The following PROSER1 variants were observed in gnomAD, a reference collection of about 807,000 sequenced individuals.
The protein encoded by PROSER1 is proline and serine rich 1.
In PROSER1, 36 loss-of-function variants were observed where a neutral mutation model predicts 71.8. The observed-to-expected ratio is 0.50, with a 90% confidence interval of 0.38 to 0.66. The LOEUF is 0.66. PROSER1 is among the 30% of genes least tolerant of loss of function. The pLI, the probability that PROSER1 is intolerant of heterozygous loss-of-function variation, is 0.00. For missense variants in PROSER1, 1,107 were observed against 1,135.0 expected (o/e 0.98, Z 0.35); for synonymous variants, 490 against 452.4 (o/e 1.08, Z -1.06).
chr13:39,017,227 G>T (rs1870047096), intron 10 of PROSER1, among the ~76,000 whole-genome samples: 1 of 152,188 alleles, frequency 6.6e-6, no homozygotes, highest in Non-Finnish European at 1.5e-5. Flanking sequence ...GAATGTGAAT[G>T]CAAAGCTACG....
chr13:39,014,993 G>C (rs1028880620), intron 10 of PROSER1, among the ~76,000 whole-genome samples: 6 of 152,080 alleles, frequency 3.9e-5, no homozygotes, highest in African/African-American at 1.4e-4. Context: ...CATCTGTACA[G>C]TTGCCCCGCC....
At position 39,031,450 on chromosome 13, in the gene PROSER1, A is replaced by T. The variant is rs1870837927; in HGVS notation, c.180+113T>A. The T allele has an allele frequency of 7.7e-6, 6 of 780,064 alleles. No individual in the cohort carries two copies. The South Asian group carries it at 9.9e-5, about 13-fold the overall frequency. 48.3% of individuals were successfully genotyped at this position (780,064 alleles called of 1,614,324 possible). On this transcript the variant is annotated intron_variant, in intron 3 of 12. Transcript: ENST00000352251. ...ATTTTGAATCAAAGTACAATAACACATAGAGTTCGCTTTTCTAATGCAAAT... is the reference window on the plus strand; with the variant it reads ...ATTTTGAATCAAAGTACAATAACACTTAGAGTTCGCTTTTCTAATGCAAAT...
In PROSER1 at chr13:39,012,810, T is replaced by C; in HGVS notation, c.2442A>G (p.Thr814=). 4 of 1,614,138 alleles carry C rather than the reference T, an allele frequency of 2.5e-6. No individual in the cohort carries two copies. The highest frequency in any genetic ancestry group is 3.4e-6 in the Non-Finnish European group (4 of 1,180,012). Residue 814 remains threonine (T), a synonymous_variant, in exon 11 of 13, where the codon ACA becomes ACG. Coordinates refer to ENST00000352251, the MANE Select transcript of PROSER1 (RefSeq NM_025138.5). The part of the protein sequence containing the change: ...PSFPGLQAPS[T]VAAVTPLPVA... ...CAGGTAGTGGTGTGACAGCTGCGAC[T>C]GTAGAGGGCGCCTGCAGCCCCGGGA...
intron 1 of PROSER1, among the ~76,000 whole-genome samples, chr13:39,035,406 C>T (rs1871050576): frequency 6.6e-6 from 1 of 152,116 alleles, no homozygotes; most frequent in African/African-American, 2.4e-5. Context: ...CCCCAACTTA[C>T]CACCTAGGGA....
At position 39,011,359 on chromosome 13, in the gene PROSER1, A is replaced by C. The variant is rs1032726106; in HGVS notation, c.*6T>G. 6.2e-7 allele frequency: 1 copy of C among 1,613,782 alleles called. No individual in the cohort carries two copies. Among genetic ancestry groups the C allele is most frequent in the Admixed American group, 1.7e-5 (1 of 59,998 alleles). ...TGCTCTGAAGGAGAATAAAAGTTAA[A>C]AGTATTCACTGCCACCCACTCTGGG... On this transcript the variant is annotated 3_prime_UTR_variant, in exon 13 of 13. Coordinates refer to ENST00000352251, the MANE Select transcript of PROSER1 (RefSeq NM_025138.5).
At chr13:39,014,934 G>A (rs1229556114) in intron 10 of PROSER1, among the ~76,000 whole-genome samples, 2 of 152,120 alleles carry the variant, frequency 1.3e-5, no homozygotes, top group African/African-American at 4.8e-5. Flanking sequence ...CAGCTCTCCA[G>A]TATTGTTTGT....
intron 1 of PROSER1, among the ~76,000 whole-genome samples, 167 bp downstream of exon 1, chr13:39,037,031 T>C (rs1027457567): frequency 1.3e-5 from 2 of 152,216 alleles, no homozygotes; most frequent in Non-Finnish European, 2.9e-5. Flanking sequence ...TTTCTATTTG[T>C]ACTGGAAACG....
Position 39,029,264 on chromosome 13 carries a change from A to AG in PROSER1, c.275+16_275+17insC. 2.9e-6 allele frequency: 4 copies of AG among 1,382,520 alleles called. No homozygotes were observed. The highest frequency in any genetic ancestry group is 9.8e-7 in the Non-Finnish European group (1 of 1,019,478). 85.6% of individuals were successfully genotyped at this position (1,382,520 alleles called of 1,614,324 possible). ...TTCCCAAGTAAAAAAAAAAAAAAAA[A>AG]AAAAAGAAATACTTACGAGGCTAAC... is the stretch of plus-strand genomic sequence containing the variant. On this transcript the variant is annotated intron_variant, in intron 4 of 12. Transcript: ENST00000352251.
intron 12 of PROSER1, 78 bp from the exon 13 acceptor site, chr13:39,011,565 C>T: frequency 3.6e-6 from 5 of 1,385,844 alleles, no homozygotes; most frequent in Non-Finnish European, 5.0e-6. Flanking sequence ...CCATGCCACA[C>T]AGAGATATTC....
chr13:39,012,205 T>G lies in PROSER1; in HGVS notation c.2590A>C (p.Ser864Arg), dbSNP rs146381943. Residue 864 changes from serine to arginine, a missense_variant, in exon 12 of 13, where the codon AGT becomes CGT. Coordinates refer to ENST00000352251, the MANE Select transcript of PROSER1 (RefSeq NM_025138.5). ...GLSSGLQAAG[S>R]SVFPGLLSLP... ...GACAAAAGGCCTGGAAAAACAGAACTGCCTGCAGCTTGAAGTCCAGATGAT... is the reference window on the plus strand; with the variant it reads ...GACAAAAGGCCTGGAAAAACAGAACGGCCTGCAGCTTGAAGTCCAGATGAT... 1 of 1,614,108 alleles carries G rather than the reference T, an allele frequency of 6.2e-7. No homozygotes were observed. The highest frequency in any genetic ancestry group is 8.5e-7 in the Non-Finnish European group (1 of 1,180,000).
chr13:39,012,409 T>C, intron 11 of PROSER1, 176 bp from the exon 12 acceptor site: 1 of 710,694 alleles, frequency 1.4e-6, no homozygotes, highest in Non-Finnish European at 2.4e-6. Flanking sequence ...CTTTCTACTG[T>C]GAAGTATATT....
intron 10 of PROSER1, among the ~76,000 whole-genome samples, chr13:39,015,479 A>G (rs1869964873): frequency 6.6e-6 from 1 of 152,150 alleles, no homozygotes; most frequent in Non-Finnish European, 1.5e-5. Flanking sequence ...ACTGAGAAAT[A>G]TTTTCATGGA....
chr13:39,013,522 G>A lies in PROSER1; in HGVS notation c.1730C>T (p.Ser577Phe), dbSNP rs749378496. 15 of 1,613,996 alleles carry A rather than the reference G, an allele frequency of 9.3e-6. No homozygotes were observed. Among genetic ancestry groups the A allele is most frequent in the Non-Finnish European group, 1.3e-5 (15 of 1,180,040 alleles). Residue 577 changes from serine to phenylalanine, a missense_variant, in exon 11 of 13, where the codon TCC becomes TTC. Ser to Phe is a radical substitution (Grantham distance 155). Transcript: ENST00000352251. Reference protein sequence around the residue: ...ASTSVPVSCGSSASLLRGPHP... With the variant: ...ASTSVPVSCGFSASLLRGPHP... ...GGGGCCACGCAAAAGGGAGGCTGAG[G>A]AGCCACAGCTAACTGGCACTGACGT...
rs1259970968 is a variant in PROSER1, at chr13:39,024,496, G to A, written c.541C>T (p.Arg181Ter). 2 of 1,609,328 alleles carry A rather than the reference G, an allele frequency of 1.2e-6. No homozygotes were observed. The highest frequency in any genetic ancestry group is 1.7e-6 in the Non-Finnish European group (2 of 1,177,814). Residue 181 changes from arginine (R) to a stop codon, truncating the protein, a stop_gained, in exon 7 of 13, where the codon CGA becomes TGA. Coordinates refer to ENST00000352251, the MANE Select transcript of PROSER1 (RefSeq NM_025138.5). LOFTEE classifies it high-confidence loss of function. ...ACTGGTTTGGATGGCCCAAGAATTC[G>A]TGCAGCTATTCCTTTGCCTTCGTTA... ...CTNEGKGIAA[R>*]ILGPSKPPPS...
intron 3 of PROSER1, 92 bp from the exon 4 acceptor site, chr13:39,029,467 T>C (rs920740305): frequency 6.6e-6 from 4 of 603,036 alleles, no homozygotes; most frequent in Non-Finnish European, 1.1e-5. Context: ...GCTCTTAATA[T>C]AAACATTTTA....
At position 39,020,044 on chromosome 13, in the gene PROSER1, T is replaced by C. The variant is rs17058988; in HGVS notation, c.730+2282A>G. On this transcript the variant is annotated intron_variant, in intron 9 of 12. Transcript: ENST00000352251. ...TAGTAAGACTATAACTCAGCTGATA[T>C]TATTTTATATCTATCTAGAAAACTC... Among the ~76,000 whole-genome samples the C allele has an allele frequency of 9.9e-3, 1,494 of 150,776 alleles. 27 individuals are homozygous for C. The highest frequency in any genetic ancestry group is 0.035 in the African/African-American group (1,427 of 40,946).
In PROSER1 at chr13:39,031,554, G is replaced by C. The variant is rs200091988; in HGVS notation, c.180+9C>G. On this transcript the variant is annotated intron_variant, in intron 3 of 12. Transcript: ENST00000352251. ...TTCTACGTTCTGAAGGAAAAAATAA[G>C]TTACTTACATGCTGTAATGCTTTCA... 4 of 1,586,704 alleles carry C rather than the reference G, an allele frequency of 2.5e-6. No individual in the cohort carries two copies. Among genetic ancestry groups the C allele is most frequent in the Non-Finnish European group, 3.4e-6 (4 of 1,163,784 alleles).
Position 39,012,171 on chromosome 13 carries a change from C to A in PROSER1, c.2624G>T (p.Gly875Val). Residue 875 changes from glycine (G) to valine (V), a missense_variant, in exon 12 of 13, where the codon GGT becomes GTT. Gly to Val is a moderately radical substitution (Grantham distance 109). Transcript: ENST00000352251. The stretch of plus-strand genomic sequence containing the variant: ...AGGATTCTGAGGAAACCCAGGGATA[C>A]CCGGGAGGGACAAAAGGCCTGGAAA... ...SVFPGLLSLP[G>V]IPGFPQNPSQ... The A allele has an allele frequency of 6.2e-7, 1 of 1,614,122 alleles. No individual in the cohort carries two copies. Among genetic ancestry groups the A allele is most frequent in the Non-Finnish European group, 8.5e-7 (1 of 1,179,978 alleles).
rs1869831225 is a variant in PROSER1 at position 39,013,741 on chromosome 13, G to A, written c.1511C>T (p.Thr504Ile). ...TSGLASLSSL[T>I]LQNSDSSASA... is the part of the protein sequence containing the mutation. The stretch of plus-strand genomic sequence containing the variant: ...AGCAGAAGAGTCAGAGTTCTGAAGA[G>A]TAAGAGAAGATAGTGAAGCCAGCCC... Residue 504 changes from threonine to isoleucine, a missense_variant, in exon 11 of 13, where the codon ACT (threonine) becomes ATT (isoleucine). Transcript: ENST00000352251. The A allele has an allele frequency of 6.2e-7, 1 of 1,614,232 alleles. No individual in the cohort carries two copies. The highest frequency in any genetic ancestry group is 8.5e-7 in the Non-Finnish European group (1 of 1,180,028).
Sources: allele counts gnomAD v4.1 joint callset (sites outside exome capture counted in the v4.1 genomes callset), GRCh38; gene constraint gnomAD v4.1.1; transcripts MANE v1.5; gene names NCBI Gene and HGNC (gene_info 2026-07-23, HGNC 2026-07-21).